The following VSIG10L2 variants were observed in gnomAD, a reference collection of about 807,000 sequenced individuals.
The protein encoded by VSIG10L2 is V-set and immunoglobulin domain containing 10 like 2, also known as V-set and immunoglobulin domain-containing protein 10-like 2.
A neutral mutation model predicts 67.1 loss-of-function variants in VSIG10L2; 56 were observed. The observed-to-expected ratio is 0.83, with a 90% CI of 0.67 to 1.04. The LOEUF is 1.04. Among genes scored for constraint, VSIG10L2 ranks in the 50% least tolerant of loss-of-function variants. VSIG10L2 has a pLI of 0.00. For synonymous variants in VSIG10L2, 360 were observed against 396.6 expected, an observed-to-expected ratio of 0.91 and a Z score of 1.10; for missense variants, 843 against 932.8, an observed-to-expected ratio of 0.90 and a Z score of 1.25.
chr11:125,954,686 C>T (rs1945428728), intron 8 of VSIG10L2, among the ~76,000 whole-genome samples: 1 of 152,194 alleles, frequency 6.6e-6, no homozygotes, highest in African/African-American at 2.4e-5. Flanking sequence ...GACTCTGTGC[C>T]TCAGTCTCCC....
rs1380952961 is a variant in VSIG10L2, at chr11:125,946,287, C to T, written c.82+150C>T. 5 of 395,132 alleles carry T rather than the reference C, an allele frequency of 1.3e-5. No individual in the cohort carries two copies. Among genetic ancestry groups the T allele is most frequent in the Non-Finnish European group, 2.2e-5 (5 of 224,454 alleles). The allele number at this position is 395,132 out of a possible 1,614,324, so 24.5% of individuals were successfully genotyped here. On this transcript the variant is annotated intron_variant, in intron 1 of 11. Coordinates refer to ENST00000686984, the MANE Select transcript of VSIG10L2 (RefSeq NM_001365077.2). The surrounding 1 kb of genome is among the most constrained non-coding windows in gnomAD (Gnocchi z 4.4). ...AGACATTTAACTAGCGTTCACTGAGCGACTACTATGTGCCACGTAGGTGAG... is the reference window on the plus strand; with the variant it reads ...AGACATTTAACTAGCGTTCACTGAGTGACTACTATGTGCCACGTAGGTGAG...
At chr11:125,951,349 G>A (rs983223737) in intron 5 of VSIG10L2, among the ~76,000 whole-genome samples, 191 bp downstream of exon 5, 2 of 152,162 alleles carry the variant, frequency 1.3e-5, no homozygotes, top group African/African-American at 4.8e-5. Flanking sequence ...TCCACACTGT[G>A]CTCTGTTCCC....
chr11:125,950,913 C>T lies in VSIG10L2; in HGVS notation c.989C>T (p.Pro330Leu), dbSNP rs1318072920. ...CCTCACCCACTTCCCCATCCAGATC[C>T]CCCTGAGGGACAGCCCTCCTGTGCA... ...QTTVQLTIYY[P>L]PEGQPSCAVH... The change falls in exon 5 of 12, where the codon CCC (proline) becomes CTC (leucine). Residue 330 changes from proline (P) to leucine (L), a missense_variant. Physicochemically the swap from Pro to Leu is moderately conservative, Grantham distance 98 (BLOSUM62 -3). Coordinates refer to ENST00000686984, the MANE Select transcript of VSIG10L2 (RefSeq NM_001365077.2). 8.1e-7 allele frequency: 1 copy of T among 1,232,614 alleles called. No homozygotes were observed. The highest frequency in any genetic ancestry group is 4.2e-5 in the Admixed American group (1 of 23,734). 76.4% of individuals were successfully genotyped at this position (1,232,614 alleles called of 1,614,324 possible).
At chr11:125,950,347 C>T in intron 4 of VSIG10L2, 58 bp downstream of exon 4, 2 of 1,230,736 alleles carry the variant, frequency 1.6e-6, no homozygotes, top group Non-Finnish European at 2.0e-6. Flanking sequence ...CACGCTGGAG[C>T]CTTTGTGGGG....
At chr11:125,949,976 A>G (rs1022688128) in intron 3 of VSIG10L2, 38 bp from the exon 4 acceptor site, 5 of 1,232,200 alleles carry the variant, frequency 4.1e-6, no homozygotes, top group Non-Finnish European at 5.1e-6. Context: ...TGAAGGAATG[A>G]AGCTGGGGAG....
rs1225853954 is a variant in VSIG10L2, at chr11:125,955,078, A to AC, written c.2108dup (p.Ala704SerfsTer55). ...CTAGCGGACCCCCCCTTCAGCGCCT[A>AC]CCCAGCGGTGTTGGGTGCAGCAGGC... On this transcript the variant is annotated frameshift_variant, in exon 9 of 12. Coordinates refer to ENST00000686984, the MANE Select transcript of VSIG10L2 (RefSeq NM_001365077.2). LOFTEE classifies it high-confidence loss of function. 4.4e-5 allele frequency: 54 copies of AC among 1,236,404 alleles called. No homozygotes were observed. The highest frequency in any genetic ancestry group is 6.2e-4 in the Middle Eastern group (2 of 3,224). The allele number at this position is 1,236,404 out of a possible 1,614,324, so 76.6% of individuals were successfully genotyped here. A position where few individuals can be genotyped will look rare whatever the true frequency, so the allele number is the denominator to read the frequency against.
At chr11:125,947,118 G>C (rs1375998708) in intron 1 of VSIG10L2, among the ~76,000 whole-genome samples, 1 of 152,162 alleles carries the variant, frequency 6.6e-6, no homozygotes, top group Non-Finnish European at 1.5e-5. Context: ...ACGAATGCTG[G>C]ATGGGCTGAT....
chr11:125,951,689 G>T, intron 5 of VSIG10L2, 124 bp from the exon 6 acceptor site: 1 of 959,474 alleles, frequency 1.0e-6, no homozygotes, highest in Non-Finnish European at 1.5e-6. Context: ...GTGTGTGAAT[G>T]AGTGAGTGAC....
Position 125,956,146 on chromosome 11 carries a change from A to G in VSIG10L2, c.*232A>G, listed in dbSNP as rs1212892105. ...GGAAGACAGAGGTGGCAGGACAAGG[A>G]AGAGGACCCACAATGGGGAGACAGG... On this transcript the variant is annotated 3_prime_UTR_variant, in exon 12 of 12. Transcript: ENST00000686984. The G allele has an allele frequency of 6.1e-6, 4 of 656,692 alleles. No homozygotes were observed. 40.7% of individuals were successfully genotyped at this position (656,692 alleles called of 1,614,324 possible).
chr11:125,950,999 G>C lies in VSIG10L2; in HGVS notation c.1075G>C (p.Ala359Pro), dbSNP rs1387459776. 1.3e-5 allele frequency: 16 copies of C among 1,232,268 alleles called. No individual in the cohort carries two copies. The highest frequency in any genetic ancestry group is 1.6e-5 in the Non-Finnish European group (16 of 988,192). 76.3% of individuals were successfully genotyped at this position (1,232,268 alleles called of 1,614,324 possible). ...TGCCTGGCCTGGGGGGCTTCCGCCTGCCCAACTGCAGTGGGAAGGGCCTCA... is the reference window on the plus strand; with the variant it reads ...TGCCTGGCCTGGGGGGCTTCCGCCTCCCCAACTGCAGTGGGAAGGGCCTCA... Reference protein sequence around the residue: ...LCAWPGGLPPAQLQWEGPQGP... With the variant: ...LCAWPGGLPPPQLQWEGPQGP... Residue 359 changes from alanine (A) to proline (P), a missense_variant, in exon 5 of 12, where the codon GCC (alanine) becomes CCC (proline). Ala to Pro is a conservative substitution (Grantham distance 27). This residue lies in a region of VSIG10L2 where 446 missense variants were observed against 548.4 expected (regional missense o/e 0.81). Coordinates refer to ENST00000686984, the MANE Select transcript of VSIG10L2 (RefSeq NM_001365077.2).
chr11:125,946,086 G>A lies in VSIG10L2; in HGVS notation c.31G>A (p.Val11Ile), dbSNP rs1198304310. Residue 11 changes from valine (V) to isoleucine (I), a missense_variant, in exon 1 of 12, where the codon GTC becomes ATC. Physicochemically the swap from Val to Ile is conservative, Grantham distance 29. This residue lies in a region of VSIG10L2 where 446 missense variants were observed against 548.4 expected (regional missense o/e 0.81). Coordinates refer to ENST00000686984, the MANE Select transcript of VSIG10L2 (RefSeq NM_001365077.2). This position sits in a 1 kb window ranked among gnomAD's most constrained non-coding sequence, Gnocchi z 4.4. MVGQRAQHSPVSLLLLIHLCL... is the reference protein window; with the variant it reads MVGQRAQHSPISLLLLIHLCL... ...GGGTCAGAGGGCCCAGCACAGCCCAGTCAGCCTCCTGCTGCTGATACACCT... is the reference window on the plus strand; with the variant it reads ...GGGTCAGAGGGCCCAGCACAGCCCAATCAGCCTCCTGCTGCTGATACACCT... The A allele has an allele frequency of 7.5e-6, 3 of 399,152 alleles. No homozygotes were observed. The highest frequency in any genetic ancestry group is 6.3e-4 in the Middle Eastern group (1 of 1,588). The allele number at this position is 399,152 out of a possible 1,614,324, so 24.7% of individuals were successfully genotyped here. A position where few individuals can be genotyped will look rare whatever the true frequency, so the allele number is the denominator to read the frequency against.
At position 125,951,971 on chromosome 11, in the gene VSIG10L2, G is replaced by A. The variant is rs114437582; in HGVS notation, c.1393G>A (p.Val465Ile). The A allele has an allele frequency of 7.9e-4, 1,211 of 1,536,124 alleles. 5 individuals are homozygous for A. The African/African-American group carries it at 0.013, about 17-fold the overall frequency. The part of the protein sequence containing the change: ...PLGGSSSSMA[V>I]HLLQAQEDLA... The stretch of plus-strand genomic sequence containing the variant: ...GGGCGGCAGCAGCTCCTCGATGGCC[G>A]TTCACCTCCTGCAGGCCCAAGAAGA... The change falls in exon 6 of 12, where the codon GTT (valine) becomes ATT (isoleucine). Residue 465 changes from valine (V) to isoleucine (I), a missense_variant. Coordinates refer to ENST00000686984, the MANE Select transcript of VSIG10L2 (RefSeq NM_001365077.2).
At position 125,948,510 on chromosome 11, in the gene VSIG10L2, G is replaced by A. The variant is rs635346; in HGVS notation, c.639G>A (p.Gly213=). Residue 213 remains glycine (G), a synonymous_variant, in exon 3 of 12, where the codon GGG becomes GGA. Transcript: ENST00000686984. ...QLDPVNRTHL[G]WYMCSASNSV... ...ACCCTGTCAACCGGACACACCTAGG[G>A]TGGTACATGTGCAGCGCCAGCAACT... The A allele has an allele frequency of 0.34, 421,518 of 1,232,012 alleles. 73,802 individuals are homozygous for A. Among genetic ancestry groups the A allele is most frequent in the East Asian group, 0.59 (18,633 of 31,686 alleles). The allele number at this position is 1,232,012 out of a possible 1,614,324, so 76.3% of individuals were successfully genotyped here. A position where few individuals can be genotyped will look rare whatever the true frequency, so the allele number is the denominator to read the frequency against.
At position 125,947,711 on chromosome 11, in the gene VSIG10L2, C is replaced by T. The variant is rs962636168; in HGVS notation, c.108C>T (p.Ala36=). The part of the protein sequence containing the change: ...ASGQPHPTPE[A]PVEEVVSVQG... ...GCCAGCCCCACCCGACCCCCGAGGC[C>T]CCTGTAGAGGAGGTGGTGTCTGTCC... Residue 36 remains alanine, a synonymous_variant, in exon 2 of 12, where the codon GCC becomes GCT. Coordinates refer to ENST00000686984, the MANE Select transcript of VSIG10L2 (RefSeq NM_001365077.2). The T allele has an allele frequency of 8.9e-6, 11 of 1,232,290 alleles. No homozygotes were observed. The highest frequency in any genetic ancestry group is 1.1e-5 in the Non-Finnish European group (11 of 988,156). 76.3% of individuals were successfully genotyped at this position (1,232,290 alleles called of 1,614,324 possible).
At chr11:125,953,138 G>C (rs1945400225) in intron 6 of VSIG10L2, among the ~76,000 whole-genome samples, 1 of 152,196 alleles carries the variant, frequency 6.6e-6, no homozygotes, top group Non-Finnish European at 1.5e-5. Context: ...CTGCCTGCAG[G>C]AGCCGAGGCT....
rs1220684436 is a variant in VSIG10L2, at chr11:125,946,915, G to C, written c.83-771G>C. Among the ~76,000 whole-genome samples the C allele has an allele frequency of 6.6e-6, 1 of 152,222 alleles. No homozygotes were observed. The highest frequency in any genetic ancestry group is 1.5e-5 in the Non-Finnish European group (1 of 68,038). ...TGAGGCCCACCCTGGCCACATGTGA[G>C]GGGACAGCGGGGAACATGGTACTTG... On this transcript the variant is annotated intron_variant, in intron 1 of 11. Transcript: ENST00000686984. The surrounding 1 kb of genome is among the most constrained non-coding windows in gnomAD (Gnocchi z 4.4).
chr11:125,953,865 G>A (rs1945412526), intron 7 of VSIG10L2, among the ~76,000 whole-genome samples, 175 bp downstream of exon 7: 1 of 152,222 alleles, frequency 6.6e-6, no homozygotes, highest in African/African-American at 2.4e-5. Flanking sequence ...GCGTGAATCT[G>A]CTGCACTCAC....
rs911722681 is a variant in VSIG10L2 at position 125,946,976 on chromosome 11, G to A, written c.83-710G>A. Among the ~76,000 whole-genome samples the A allele has an allele frequency of 1.2e-4, 18 of 152,108 alleles. No individual in the cohort carries two copies. The highest frequency in any genetic ancestry group is 4.3e-4 in the African/African-American group (18 of 41,410). The stretch of plus-strand genomic sequence containing the variant: ...GGGGTTGAGGGCTGGGCCCTGAGCC[G>A]AGAACACCTGTTAAGTGACTTACTC... On this transcript the variant is annotated intron_variant, in intron 1 of 11. Transcript: ENST00000686984. This position sits in a 1 kb window ranked among gnomAD's most constrained non-coding sequence, Gnocchi z 4.4.
Position 125,952,082 on chromosome 11 carries a change from G to A in VSIG10L2, c.1495+9G>A, listed in dbSNP as rs1295832078. 5.2e-6 allele frequency: 8 copies of A among 1,526,182 alleles called. No homozygotes were observed. The highest frequency in any genetic ancestry group is 6.1e-6 in the Non-Finnish European group (7 of 1,139,808). 94.5% of individuals were successfully genotyped at this position (1,526,182 alleles called of 1,614,324 possible). A position where few individuals can be genotyped will look rare whatever the true frequency, so the allele number is the denominator to read the frequency against. Reference sequence around the variant, plus strand: ...CTGCCACCTCCAGCTGGGTGAGTAGGGGCTAGCGAGTTTGTTCTGGGGCTG... The same window carrying A: ...CTGCCACCTCCAGCTGGGTGAGTAGAGGCTAGCGAGTTTGTTCTGGGGCTG... On this transcript the variant is annotated intron_variant, in intron 6 of 11. Transcript: ENST00000686984.
Sources: gnomAD v4.1 joint callset for allele counts (sites outside exome capture counted in the v4.1 genomes callset) on GRCh38, gnomAD v4.1.1 for gene constraint, gnomAD v4.1.1 regional missense constraint, Gnocchi (gnomAD v3.1) non-coding constraint, MANE v1.5 for transcripts, NCBI Gene and HGNC (gene_info 2026-07-23, HGNC 2026-07-21) for gene names.